The following ARHGEF7 variants were observed in gnomAD, a reference collection of about 807,000 sequenced individuals.
ARHGEF7 encodes the protein Rho guanine nucleotide exchange factor 7, also known as PAK-interacting exchange factor beta.
A neutral mutation model predicts 109.8 loss-of-function variants in ARHGEF7; 33 were observed. The ratio of observed to expected loss-of-function variants is 0.30; its 90% CI spans 0.23 to 0.40. The LOEUF is 0.40. ARHGEF7 is among the 10% of genes least tolerant of loss of function. The pLI is 1.00. For synonymous variants in ARHGEF7, 458 were observed against 424.6 expected (o/e 1.08, Z -0.97); for missense variants, 938 against 1,098.5 (o/e 0.85, Z 2.07).
intron 21 of ARHGEF7, among the ~76,000 whole-genome samples, 171 bp from the exon 22 acceptor site, chr13:111,302,820 C>G (rs1199387403): frequency 2.0e-5 from 3 of 152,186 alleles, no homozygotes; most frequent in Non-Finnish European, 4.4e-5. Flanking sequence ...CCGCTGCCAC[C>G]CTGTCCAGGT....
intron 4 of ARHGEF7, among the ~76,000 whole-genome samples, chr13:111,213,103 G>T (rs534093542): frequency 6.6e-6 from 1 of 152,156 alleles, no homozygotes; most frequent in African/African-American, 2.4e-5. Context: ...CAGCACTCCA[G>T]AGTGTCCTGG....
In ARHGEF7 at chr13:111,229,358, C is replaced by A. The variant is rs970909895; in HGVS notation, c.671-3847C>A. Among the ~76,000 whole-genome samples, 7 of 152,308 alleles carry A rather than the reference C, an allele frequency of 4.6e-5. No individual in the cohort carries two copies. The East Asian group carries it at 1.3e-3, about 29-fold the overall frequency. ...CTGTGCTGTATTATCTATTCCTCTG[C>A]CTGTCAGTTCATTAATTCCCTCCTC... On this transcript the variant is annotated intron_variant, in intron 5 of 21. Coordinates refer to ENST00000646102, the MANE Select transcript of ARHGEF7 (RefSeq NM_001354046.2).
intron 8 of ARHGEF7, among the ~76,000 whole-genome samples, chr13:111,245,344 C>T (rs2088621904): frequency 6.6e-6 from 1 of 152,042 alleles, no homozygotes; most frequent in African/African-American, 2.4e-5. Context: ...GTATAAGAAC[C>T]ACTTTTCGGC....
chr13:111,118,551 G>T (rs895387980), intron 1 of ARHGEF7, among the ~76,000 whole-genome samples: 1 of 152,110 alleles, frequency 6.6e-6, no homozygotes, highest in African/African-American at 2.4e-5. Context: ...AGGATGTTTG[G>T]CTGGGCTGCC....
chr13:111,189,367 G>A (rs543061600), intron 2 of ARHGEF7, among the ~76,000 whole-genome samples: 2 of 152,252 alleles, frequency 1.3e-5, no homozygotes, highest in African/African-American at 2.4e-5. Flanking sequence ...TCTTCTTTCC[G>A]GTGGGTTTGT....
chr13:111,278,063 G>A (rs772480763), intron 13 of ARHGEF7, among the ~76,000 whole-genome samples: 2 of 152,224 alleles, frequency 1.3e-5, no homozygotes, highest in Non-Finnish European at 2.9e-5. Flanking sequence ...TCTTGTGTCA[G>A]TGGCACGGCA....
rs1445760799 is a variant in ARHGEF7, at chr13:111,220,877, C to T, written c.670+2997C>T. On this transcript the variant is annotated intron_variant, in intron 5 of 21. Transcript: ENST00000646102. ...TGTGTTGCCATCAAGGAGCTCTTTG[C>T]AGGGGCCACACGGAATCCATAGGTG... Among the ~76,000 whole-genome samples the T allele has an allele frequency of 2.6e-5, 4 of 151,664 alleles. No individual in the cohort carries two copies. In the East Asian group the frequency reaches 7.7e-4, roughly 29 times the overall value.
At chr13:111,298,098 A>G (rs2093466746) in intron 19 of ARHGEF7, among the ~76,000 whole-genome samples, 1 of 152,240 alleles carries the variant, frequency 6.6e-6, no homozygotes, top group South Asian at 2.1e-4. Context: ...AAAATGTGCG[A>G]TGTTATCAGT....
chr13:111,299,894 G>A (rs1423502360), intron 19 of ARHGEF7, among the ~76,000 whole-genome samples: 1 of 152,112 alleles, frequency 6.6e-6, no homozygotes, highest in Non-Finnish European at 1.5e-5. Context: ...AGGTGCTTGT[G>A]TTCTGTGATA....
chr13:111,204,168 C>T (rs948087028), intron 2 of ARHGEF7, among the ~76,000 whole-genome samples: 7 of 151,996 alleles, frequency 4.6e-5, no homozygotes, highest in Admixed American at 6.6e-5. Context: ...GGGAAGGGAC[C>T]GAAGGCAGGA....
chr13:111,192,908 C>G (rs1399375510), intron 2 of ARHGEF7, among the ~76,000 whole-genome samples: 1 of 152,154 alleles, frequency 6.6e-6, no homozygotes, highest in South Asian at 2.1e-4. Context: ...ATTGAAATCC[C>G]TTCGACTTAG....
intron 10 of ARHGEF7, 130 bp downstream of exon 10, chr13:111,274,082 T>C: frequency 8.6e-7 from 1 of 1,157,748 alleles, no homozygotes. Context: ...ACAAAGAGTT[T>C]TGTTAAATAT....
intron 3 of ARHGEF7, among the ~76,000 whole-genome samples, chr13:111,205,974 A>G (rs997614141): frequency 2.0e-5 from 3 of 152,084 alleles, no homozygotes; most frequent in Non-Finnish European, 4.4e-5. Flanking sequence ...GGGAAGGTGC[A>G]TGTTGTCCAT....
intron 5 of ARHGEF7, among the ~76,000 whole-genome samples, chr13:111,232,683 T>C (rs2086259498): frequency 6.6e-6 from 1 of 152,136 alleles, no homozygotes; most frequent in Non-Finnish European, 1.5e-5. Flanking sequence ...TTTTCTTGTT[T>C]TTGCCCCTGC....
At chr13:111,140,950 A>G (rs2075316650) in intron 1 of ARHGEF7, among the ~76,000 whole-genome samples, 1 of 152,054 alleles carries the variant, frequency 6.6e-6, no homozygotes, top group Admixed American at 6.5e-5. Context: ...AAATGTTGGG[A>G]TTACATATAA....
intron 5 of ARHGEF7, among the ~76,000 whole-genome samples, chr13:111,227,852 C>A (rs538622653): frequency 5.3e-5 from 8 of 152,350 alleles, no homozygotes; most frequent in Admixed American, 5.2e-4. Context: ...CGTGAAGATT[C>A]ACCTTGACCC....
intron 1 of ARHGEF7, among the ~76,000 whole-genome samples, chr13:111,118,700 T>C (rs2066972256): frequency 6.6e-6 from 1 of 152,154 alleles, no homozygotes; most frequent in South Asian, 2.1e-4. Flanking sequence ...GATACATGAA[T>C]TGTAGAGGAT....
intron 2 of ARHGEF7, among the ~76,000 whole-genome samples, chr13:111,204,889 C>CTAG (rs2081601487): frequency 1.3e-5 from 2 of 152,208 alleles, no homozygotes; most frequent in Admixed American, 1.3e-4. Flanking sequence ...TTTTCTGTGG[C>CTAG]TAGGAAAGAA....
chr13:111,128,153 A>G (rs2067702470), intron 1 of ARHGEF7, among the ~76,000 whole-genome samples: 1 of 152,216 alleles, frequency 6.6e-6, no homozygotes, highest in Non-Finnish European at 1.5e-5. Context: ...CAGGAACAAG[A>G]CAGGGGTGTT....
Sources: gnomAD v4.1 joint callset for allele counts (sites outside exome capture counted in the v4.1 genomes callset) on GRCh38, gnomAD v4.1.1 for gene constraint, MANE v1.5 for transcripts, NCBI Gene and HGNC (gene_info 2026-07-23, HGNC 2026-07-21) for gene names.